Variants in LHFPL2 observed in about 807,000 individuals in gnomAD.
LHFPL2 encodes the protein LHFPL tetraspan subfamily member 2 protein.
Under a neutral mutation model 17.5 loss-of-function variants are expected in LHFPL2, and 7 were observed. That is an observed-to-expected ratio of 0.40 (90% CI 0.23 to 0.75). LHFPL2 has a LOEUF of 0.75. Ranked by LOEUF, LHFPL2 falls within the 30% of genes least tolerant of loss-of-function variation. The probability of loss-of-function intolerance (pLI) is 0.37; values close to 1 mark genes in which losing one functional copy is unlikely to be tolerated. For missense variants in LHFPL2, 241 were observed against 294.8 expected (o/e 0.82, Z 1.34); for synonymous variants, 134 against 116.2 (o/e 1.15, Z -0.99).
At chr5:78,534,664 G>C (rs538699291) in intron 3 of LHFPL2, among the ~76,000 whole-genome samples, 1 of 152,346 alleles carries the variant, frequency 6.6e-6, no homozygotes, top group African/African-American at 2.4e-5. Flanking sequence ...CTTGAGGGAA[G>C]CAATGGCTTT....
intron 2 of LHFPL2, among the ~76,000 whole-genome samples, chr5:78,616,239 GCCTCAACCTCCTGAGTAGCTGGGACTA>G (rs1744604582): frequency 6.6e-6 from 1 of 152,052 alleles, no homozygotes. Context: ...CCATTCTTCT[GCCTCAACCTCCTGAGTAGCTGGGACTA>G]CTGGTGCCCG....
intron 2 of LHFPL2, among the ~76,000 whole-genome samples, chr5:78,596,040 G>C (rs1449899152): frequency 6.6e-6 from 1 of 152,152 alleles, no homozygotes; most frequent in South Asian, 2.1e-4. Flanking sequence ...AAATATGAAA[G>C]TCAAAACATT....
intron 3 of LHFPL2, among the ~76,000 whole-genome samples, chr5:78,564,507 A>G (rs890839468): frequency 6.6e-6 from 1 of 152,194 alleles, no homozygotes; most frequent in African/African-American, 2.4e-5. Flanking sequence ...GGAAAGACAA[A>G]TTCAGCTATG....
At chr5:78,515,072 C>T (rs1755250985) in intron 3 of LHFPL2, among the ~76,000 whole-genome samples, 1 of 152,164 alleles carries the variant, frequency 6.6e-6, no homozygotes, top group South Asian at 2.1e-4. Context: ...TCCTATATAA[C>T]CACAACAAGA....
At chr5:78,491,058 G>T (rs1216997169) in intron 4 of LHFPL2, 1 of 152,206 alleles carries the variant, frequency 6.6e-6, no homozygotes, top group African/African-American at 2.4e-5. Flanking sequence ...AAGGAAGATT[G>T]GGGACAGTGT....
intron 2 of LHFPL2, among the ~76,000 whole-genome samples, chr5:78,613,704 C>G (rs10064912): frequency 0.35 from 53,607 of 151,988 alleles, 10,004 homozygotes; most frequent in Non-Finnish European, 0.43. Context: ...CTATCCATGT[C>G]TATTTCATAC....
At chr5:78,530,440 T>C (rs1267296682) in intron 3 of LHFPL2, among the ~76,000 whole-genome samples, 1 of 152,324 alleles carries the variant, frequency 6.6e-6, no homozygotes, top group African/African-American at 2.4e-5. Context: ...CCCAAGAGAT[T>C]TGTCTACACA....
At chr5:78,494,434 C>T (rs1186628648) in intron 4 of LHFPL2, 146 of 985,276 alleles carry the variant, frequency 1.5e-4, no homozygotes, top group Non-Finnish European at 1.7e-4. Context: ...AAGACTCCAA[C>T]ATCCTCATCC....
intron 1 of LHFPL2, among the ~76,000 whole-genome samples, chr5:78,632,907 C>A (rs1408495746): frequency 6.6e-6 from 1 of 152,072 alleles, no homozygotes; most frequent in Non-Finnish European, 1.5e-5. Flanking sequence ...AACTAGAGGG[C>A]AAGCAAAGAG....
intron 1 of LHFPL2, among the ~76,000 whole-genome samples, chr5:78,647,836 A>G (rs1021196370): frequency 1.3e-5 from 2 of 152,082 alleles, no homozygotes; most frequent in African/African-American, 2.4e-5. Flanking sequence ...AAAGAAAAAA[A>G]AAAACTGTGT....
intron 3 of LHFPL2, among the ~76,000 whole-genome samples, chr5:78,523,378 G>A (rs913705703): frequency 1.3e-5 from 2 of 152,176 alleles, no homozygotes; most frequent in African/African-American, 4.8e-5. Flanking sequence ...AGGCACTCAG[G>A]AGACTTGGGA....
intron 4 of LHFPL2, among the ~76,000 whole-genome samples, chr5:78,489,947 C>T (rs1754382845): frequency 6.6e-6 from 1 of 152,246 alleles, no homozygotes; most frequent in African/African-American, 2.4e-5. Context: ...ACAGAACCAT[C>T]TGATGTCAAC....
intron 3 of LHFPL2, among the ~76,000 whole-genome samples, chr5:78,529,638 G>C (rs897090330): frequency 2.3e-5 from 3 of 130,582 alleles, no homozygotes; most frequent in Non-Finnish European, 3.5e-5. Context: ...GCGAGACTCC[G>C]TCTCAAAAAA....
chr5:78,537,154 C>T (rs1198478419), intron 3 of LHFPL2, among the ~76,000 whole-genome samples: 2 of 152,190 alleles, frequency 1.3e-5, no homozygotes, highest in Non-Finnish European at 2.9e-5. Flanking sequence ...CCCACTCATT[C>T]CCTACACACA....
In LHFPL2 at chr5:78,506,219, G is replaced by GT. The variant is rs1311114577; in HGVS notation, c.430+3564dup. Among the ~76,000 whole-genome samples, 17 of 152,232 alleles carry GT rather than the reference G, an allele frequency of 1.1e-4. No individual in the cohort carries two copies. In the East Asian group the frequency reaches 1.4e-3, roughly 12 times the overall value. On this transcript the variant is annotated intron_variant, in intron 4 of 4. Transcript: ENST00000380345. ...TCAAGATTTTGATTATTTATGCTGT[G>GT]TTTTTTTATAGACAGTGAAGGCTAC... is the stretch of plus-strand genomic sequence containing the variant.
chr5:78,601,647 C>A (rs530578878), intron 2 of LHFPL2, among the ~76,000 whole-genome samples: 36 of 152,294 alleles, frequency 2.4e-4, no homozygotes, highest in African/African-American at 8.4e-4. Context: ...CAGCTTCTCA[C>A]GCACTGTCTC....
chr5:78,504,765 G>A (rs2277015), intron 4 of LHFPL2, among the ~76,000 whole-genome samples: 65,290 of 152,030 alleles, frequency 0.43, 17,632 homozygotes, highest in African/African-American at 0.75. Context: ...GCCCTTCACC[G>A]CCACTGCCAG....
intron 2 of LHFPL2, among the ~76,000 whole-genome samples, chr5:78,585,416 C>G (rs1743346886): frequency 6.6e-6 from 1 of 152,116 alleles, no homozygotes; most frequent in Non-Finnish European, 1.5e-5. Context: ...AAGGGAACTC[C>G]CTGACTCCTT....
At chr5:78,541,841 T>C (rs1756122935) in intron 3 of LHFPL2, among the ~76,000 whole-genome samples, 1 of 152,202 alleles carries the variant, frequency 6.6e-6, no homozygotes, top group African/African-American at 2.4e-5. Context: ...GCGACCTGAT[T>C]AGGAGGAGGG....
Sources: gnomAD v4.1 joint callset for allele counts (sites outside exome capture counted in the v4.1 genomes callset) on GRCh38, gnomAD v4.1.1 for gene constraint, MANE v1.5 for transcripts, NCBI Gene and HGNC (gene_info 2026-07-23, HGNC 2026-07-21) for gene names.